The following FNIP1 variants were observed in gnomAD, a reference collection of about 807,000 sequenced individuals.
FNIP1 encodes folliculin interacting protein 1, also known as folliculin-interacting protein 1.
Under a neutral mutation model 124.5 loss-of-function variants are expected in FNIP1, and 40 were observed. The ratio of observed to expected loss-of-function variants is 0.32; its 90% CI spans 0.25 to 0.42. FNIP1 has a LOEUF of 0.42. FNIP1 is among the 10% of genes least tolerant of loss of function. The probability of loss-of-function intolerance (pLI) is 1.00; values close to 1 mark genes in which losing one functional copy is unlikely to be tolerated. For synonymous variants in FNIP1, 472 were observed against 470.6 expected (o/e 1.00, Z -0.04); for missense variants, 1,176 against 1,403.7 (o/e 0.84, Z 2.59).
intron 6 of FNIP1, among the ~76,000 whole-genome samples, chr5:131,714,761 T>C (rs930652207): frequency 5.3e-5 from 8 of 152,234 alleles, no homozygotes; most frequent in Non-Finnish European, 1.2e-4. Flanking sequence ...CAGGACTGAA[T>C]TGAGTGCTTC....
At chr5:131,697,493 T>C (rs558094446) in intron 11 of FNIP1, among the ~76,000 whole-genome samples, 1 of 152,310 alleles carries the variant, frequency 6.6e-6, no homozygotes, top group East Asian at 1.9e-4. Context: ...TGGTAAAGCA[T>C]ATTGTTTCCC....
At chr5:131,743,666 G>A (rs1205600194) in intron 2 of FNIP1, among the ~76,000 whole-genome samples, 5 of 152,116 alleles carry the variant, frequency 3.3e-5, no homozygotes, top group East Asian at 3.9e-4. Flanking sequence ...TCATAAGAAC[G>A]AAGTCCTCAT....
chr5:131,655,137 T>C lies in FNIP1; in HGVS notation c.3109-3138A>G, dbSNP rs773590058. 6.2e-4 allele frequency among the ~76,000 whole-genome samples: 95 copies of C among 152,166 alleles called. 1 individual carries two copies. The highest frequency in any genetic ancestry group is 9.6e-4 in the Non-Finnish European group (65 of 68,020). On this transcript the variant is annotated intron_variant, in intron 15 of 17. Transcript: ENST00000510461. ...AAAGTTTTTGGAAATTTGCAACAAT[T>C]TGAAAAACTTAGACAAAACCGTGTA...
chr5:131,650,086 G>A (rs1421867147), intron 16 of FNIP1, among the ~76,000 whole-genome samples: 1 of 152,070 alleles, frequency 6.6e-6, no homozygotes, highest in African/African-American at 2.4e-5. Context: ...TTTCAAGATT[G>A]TTTTATCTCT....
At chr5:131,652,179 T>C (rs1291020012) in intron 15 of FNIP1, among the ~76,000 whole-genome samples, 180 bp from the exon 16 acceptor site, 1 of 152,218 alleles carries the variant, frequency 6.6e-6, no homozygotes, top group African/African-American at 2.4e-5. Context: ...AGACATATTA[T>C]AGATATCATC....
chr5:131,755,827 A>G (rs1300010830), intron 1 of FNIP1, among the ~76,000 whole-genome samples: 1 of 152,036 alleles, frequency 6.6e-6, no homozygotes, highest in African/African-American at 2.4e-5. Context: ...TGGCCAACAT[A>G]GTGAACCCTC....
Position 131,796,976 on chromosome 5 carries a change from C to G in FNIP1, c.-55G>C. 2 of 1,474,934 alleles carry G rather than the reference C, an allele frequency of 1.4e-6. No homozygotes were observed. The highest frequency in any genetic ancestry group is 1.8e-6 in the Non-Finnish European group (2 of 1,085,528). The allele number at this position is 1,474,934 out of a possible 1,614,324, so 91.4% of individuals were successfully genotyped here. ...GCTGGGCGCTTGCTAGGCCCCTGCT[C>G]CTACAGCCGCCCCGCCACCCCCATG... On this transcript the variant is annotated 5_prime_UTR_variant, in exon 1 of 18. Coordinates refer to ENST00000510461, the MANE Select transcript of FNIP1 (RefSeq NM_133372.3).
Position 131,750,662 on chromosome 5 carries a change from G to A in FNIP1, c.93-5972C>T, listed in dbSNP as rs529755189. ...GAGTCTCTCTCTGTCTCTCAGGCTG[G>A]GGTGCAGTAGCATGATCTCGGCTCA... On this transcript the variant is annotated intron_variant, in intron 1 of 17. Transcript: ENST00000510461. 1.0e-3 allele frequency among the ~76,000 whole-genome samples: 154 copies of A among 151,086 alleles called. 1 individual carries two copies. The highest frequency in any genetic ancestry group is 3.6e-3 in the African/African-American group (147 of 40,946).
chr5:131,735,212 A>C (rs1026530327), intron 2 of FNIP1, among the ~76,000 whole-genome samples: 5 of 152,086 alleles, frequency 3.3e-5, no homozygotes, highest in Admixed American at 2.0e-4. Flanking sequence ...CGCAAGGACA[A>C]AAAACCAAAC....
At chr5:131,666,691 G>T (rs1767613302) in intron 15 of FNIP1, among the ~76,000 whole-genome samples, 1 of 152,102 alleles carries the variant, frequency 6.6e-6, no homozygotes, top group Admixed American at 6.5e-5. Flanking sequence ...AAGTGAAATA[G>T]TACACTTAAG....
intron 1 of FNIP1, among the ~76,000 whole-genome samples, chr5:131,785,005 TGACTATATATATGATATATATGA>T (rs1772118913): frequency 1.8e-5 from 1 of 55,138 alleles, no homozygotes; most frequent in Non-Finnish European, 4.3e-5. Flanking sequence ...ATGATATATA[TGACTATATATATGATATATATGA>T]CATATATATG....
At chr5:131,682,953 A>G (rs1026534319) in intron 11 of FNIP1, among the ~76,000 whole-genome samples, 42 of 151,074 alleles carry the variant, frequency 2.8e-4, no homozygotes, top group African/African-American at 1.0e-3. Flanking sequence ...TAGGGTCTAT[A>G]TAAAAATCTA....
chr5:131,648,876 T>C (rs982690399), intron 16 of FNIP1, among the ~76,000 whole-genome samples: 3 of 152,224 alleles, frequency 2.0e-5, no homozygotes, highest in African/African-American at 7.2e-5. Flanking sequence ...ATCTGCCTAT[T>C]TGTGGTACCT....
intron 14 of FNIP1, 93 bp downstream of exon 14, chr5:131,671,412 G>T: frequency 2.9e-6 from 3 of 1,032,098 alleles, no homozygotes; most frequent in Non-Finnish European, 4.2e-6. Context: ...CCAGAACAAT[G>T]ATCTCTTTTA....
At chr5:131,651,692 T>A (rs1316281376) in intron 16 of FNIP1, 110 bp downstream of exon 16, 7 of 965,848 alleles carry the variant, frequency 7.2e-6, no homozygotes, top group Non-Finnish European at 1.1e-5. Flanking sequence ...ATATATGAGT[T>A]CGGGTAATGA....
intron 3 of FNIP1, among the ~76,000 whole-genome samples, chr5:131,723,488 CTAAA>C (rs1270038868): frequency 1.3e-5 from 2 of 152,198 alleles, no homozygotes; most frequent in East Asian, 1.9e-4. Context: ...CTAACATATA[CTAAA>C]TAGTTACCAT....
chr5:131,748,552 C>T (rs1160993445), intron 1 of FNIP1, among the ~76,000 whole-genome samples: 1 of 151,754 alleles, frequency 6.6e-6, no homozygotes, highest in African/African-American at 2.4e-5. Context: ...CAAAAATTAG[C>T]CAGGCGTGGT....
chr5:131,735,807 A>ATGTG (rs141584109), intron 2 of FNIP1, among the ~76,000 whole-genome samples: 60 of 148,322 alleles, frequency 4.0e-4, no homozygotes, highest in African/African-American at 7.6e-4. Flanking sequence ...ACTTAAGGGA[A>ATGTG]TGTGTGTGTG....
At position 131,652,759 on chromosome 5, in the gene FNIP1, T is replaced by C. The variant is rs185716753; in HGVS notation, c.3109-760A>G. ...GGAGGACTGCTTAAGGCCAGGAGCT[T>C]GAGACTAGCCTGAGCAACATAGCCA... On this transcript the variant is annotated intron_variant, in intron 15 of 17. Coordinates refer to ENST00000510461, the MANE Select transcript of FNIP1 (RefSeq NM_133372.3). 1.6e-3 allele frequency among the ~76,000 whole-genome samples: 247 copies of C among 152,094 alleles called. 1 individual carries two copies. The highest frequency in any genetic ancestry group is 5.7e-3 in the African/African-American group (237 of 41,502).
Sources: gnomAD v4.1 joint callset for allele counts (sites outside exome capture counted in the v4.1 genomes callset) on GRCh38, gnomAD v4.1.1 for gene constraint, MANE v1.5 for transcripts, NCBI Gene and HGNC (gene_info 2026-07-23, HGNC 2026-07-21) for gene names.